The following PPP3CC variants were observed in gnomAD, a reference collection of about 807,000 sequenced individuals.
The protein encoded by PPP3CC is protein phosphatase 3 catalytic subunit gamma.
A neutral mutation model predicts 60.3 loss-of-function variants in PPP3CC; 35 were observed. That is an observed-to-expected ratio of 0.58 (90% CI 0.44 to 0.77). PPP3CC has a LOEUF of 0.77. PPP3CC is among the 30% of genes least tolerant of loss of function. The pLI, the probability that PPP3CC is intolerant of heterozygous loss-of-function variation, is 0.00. For missense variants in PPP3CC, 570 were observed against 628.9 expected (o/e 0.91, Z 1.00); for synonymous variants, 206 against 224.3 (o/e 0.92, Z 0.73).
intron 3 of PPP3CC, among the ~76,000 whole-genome samples, chr8:22,489,532 T>C (rs1231877919): frequency 6.8e-6 from 1 of 147,862 alleles, no homozygotes; most frequent in Non-Finnish European, 1.5e-5. Context: ...ACAAGCAAAG[T>C]CCTTTACTGT....
chr8:22,500,270 C>T (rs1015312720), intron 4 of PPP3CC, among the ~76,000 whole-genome samples: 1 of 152,056 alleles, frequency 6.6e-6, no homozygotes, highest in Middle Eastern at 3.2e-3. Context: ...AGCATATTCT[C>T]TATAAAATAA....
At chr8:22,513,246 C>G in intron 5 of PPP3CC, 47 bp from the exon 6 acceptor site, 2 of 1,581,538 alleles carry the variant, frequency 1.3e-6, no homozygotes, top group Middle Eastern at 1.7e-4. Context: ...TCCAAGAAGC[C>G]TTTTGCTCTC....
chr8:22,498,041 A>C lies in PPP3CC; in HGVS notation c.413A>C (p.Lys138Thr). ...YLWSLKINHPKTLFLLRGNHE... is the reference protein window; with the variant it reads ...YLWSLKINHPTTLFLLRGNHE... ...TGGAGTTTAAAGATTAATCATCCCAAAACATTGTTTCTGCTTCGGGGAAAT... is the reference window on the plus strand; with the variant it reads ...TGGAGTTTAAAGATTAATCATCCCACAACATTGTTTCTGCTTCGGGGAAAT... Residue 138 changes from lysine (K) to threonine (T), a missense_variant, in exon 4 of 14, where the codon AAA becomes ACA. Coordinates refer to ENST00000240139, the MANE Select transcript of PPP3CC (RefSeq NM_005605.5). The C allele has an allele frequency of 6.2e-7, 1 of 1,613,444 alleles. No individual in the cohort carries two copies. The highest frequency in any genetic ancestry group is 1.1e-5 in the South Asian group (1 of 91,006).
intron 1 of PPP3CC, among the ~76,000 whole-genome samples, chr8:22,455,153 TG>T (rs1837158903): frequency 6.6e-6 from 1 of 152,178 alleles, no homozygotes; most frequent in South Asian, 2.1e-4. Context: ...GATAGAATTT[TG>T]GAAGTGATGT....
chr8:22,533,715 C>T (rs1461645743), intron 12 of PPP3CC, among the ~76,000 whole-genome samples: 3 of 152,228 alleles, frequency 2.0e-5, no homozygotes, highest in Admixed American at 6.5e-5. Context: ...ATCCCAGCTA[C>T]TCGGTTGCCT....
chr8:22,444,084 G>A (rs1041674455), intron 1 of PPP3CC, among the ~76,000 whole-genome samples: 1 of 152,128 alleles, frequency 6.6e-6, no homozygotes, highest in Non-Finnish European at 1.5e-5. Flanking sequence ...CCTTTAAATA[G>A]CAGCTTTCTT....
chr8:22,530,307 C>A (rs973749246), intron 10 of PPP3CC, among the ~76,000 whole-genome samples: 1 of 150,250 alleles, frequency 6.7e-6, no homozygotes, highest in South Asian at 2.1e-4. Context: ...ATGCAGAAAT[C>A]AACCAGATGT....
rs555241508 is a variant in PPP3CC, at chr8:22,488,945, CAG to C, written c.373-9051_373-9050del. ...GAGTAAGGGAGAGATGGAAGAGGTGCAGAGAGTGGGGCAGATAGATGATGTCA... is the reference window on the plus strand; with the variant it reads ...GAGTAAGGGAGAGATGGAAGAGGTGCAGAGTGGGGCAGATAGATGATGTCA... On this transcript the variant is annotated intron_variant, in intron 3 of 13. Coordinates refer to ENST00000240139, the MANE Select transcript of PPP3CC (RefSeq NM_005605.5). 1.6e-3 allele frequency among the ~76,000 whole-genome samples: 240 copies of C among 152,042 alleles called. 1 individual carries two copies. The highest frequency in any genetic ancestry group is 5.5e-3 in the African/African-American group (230 of 41,476).
chr8:22,493,627 G>T (rs2132503998), intron 3 of PPP3CC, among the ~76,000 whole-genome samples: 1 of 152,190 alleles, frequency 6.6e-6, no homozygotes, highest in Non-Finnish European at 1.5e-5. Context: ...AGAGGGTCAG[G>T]ATCATCAATA....
At chr8:22,448,362 G>A (rs891631794) in intron 1 of PPP3CC, among the ~76,000 whole-genome samples, 6 of 151,270 alleles carry the variant, frequency 4.0e-5, no homozygotes, top group African/African-American at 9.8e-5. Flanking sequence ...TATATTAGAC[G>A]GTATTATACC....
rs972924824 is a variant in PPP3CC at position 22,540,946 on chromosome 8, G to A, written c.*144G>A. 7 of 729,880 alleles carry A rather than the reference G, an allele frequency of 9.6e-6. No individual in the cohort carries two copies. The South Asian group carries it at 1.8e-4, about 18-fold the overall frequency. 45.2% of individuals were successfully genotyped at this position (729,880 alleles called of 1,614,324 possible). On this transcript the variant is annotated 3_prime_UTR_variant, in exon 14 of 14. Coordinates refer to ENST00000240139, the MANE Select transcript of PPP3CC (RefSeq NM_005605.5). Reference sequence around the variant, plus strand: ...CAGTCTGCATTTATTCTGTAAAAAGGTGGCTGTTTTATAAATTCTTTTAAT... The same window carrying A: ...CAGTCTGCATTTATTCTGTAAAAAGATGGCTGTTTTATAAATTCTTTTAAT...
At chr8:22,482,913 A>G (rs1409125740) in intron 3 of PPP3CC, among the ~76,000 whole-genome samples, 1 of 152,218 alleles carries the variant, frequency 6.6e-6, no homozygotes, top group Non-Finnish European at 1.5e-5. Flanking sequence ...TCGAGTTAGA[A>G]TAGGAGAAAA....
intron 3 of PPP3CC, among the ~76,000 whole-genome samples, chr8:22,490,202 G>C (rs1351806015): frequency 6.6e-6 from 1 of 152,086 alleles, no homozygotes; most frequent in Non-Finnish European, 1.5e-5. Context: ...ATGATATGGT[G>C]CTGTCCAGTG....
rs190787962 is a variant in PPP3CC, at chr8:22,446,548, G to T, written c.49+5090G>T. Among the ~76,000 whole-genome samples the T allele has an allele frequency of 5.6e-4, 85 of 152,082 alleles. 1 individual carries two copies. Among genetic ancestry groups the T allele is most frequent in the South Asian group, 4.1e-4 (2 of 4,828 alleles). On this transcript the variant is annotated intron_variant, in intron 1 of 13. Transcript: ENST00000240139. Reference sequence around the variant, plus strand: ...TGGAAAAAGCTAATTTTTAGGCCAGGCGTGGTGGCTCACGCCTATAATCCC... The same window carrying T: ...TGGAAAAAGCTAATTTTTAGGCCAGTCGTGGTGGCTCACGCCTATAATCCC...
At chr8:22,510,205 G>A (rs927122297) in intron 4 of PPP3CC, among the ~76,000 whole-genome samples, 17 of 146,388 alleles carry the variant, frequency 1.2e-4, no homozygotes, top group African/African-American at 4.2e-4. Context: ...AAAAAAAGAG[G>A]CCTCACTGTG....
At chr8:22,499,286 A>G (rs1305876613) in intron 4 of PPP3CC, among the ~76,000 whole-genome samples, 1 of 150,442 alleles carries the variant, frequency 6.6e-6, no homozygotes, top group Admixed American at 6.6e-5. Flanking sequence ...AAAAATACAA[A>G]AAATTAGCCG....
At chr8:22,511,583 T>C (rs1345343734) in intron 5 of PPP3CC, among the ~76,000 whole-genome samples, 1 of 152,192 alleles carries the variant, frequency 6.6e-6, no homozygotes, top group Non-Finnish European at 1.5e-5. Flanking sequence ...AAAATTTGTT[T>C]CTTATTGCAG....
intron 1 of PPP3CC, among the ~76,000 whole-genome samples, chr8:22,452,880 C>A (rs1837078398): frequency 6.6e-6 from 1 of 152,210 alleles, no homozygotes; most frequent in Non-Finnish European, 1.5e-5. Flanking sequence ...CATTGCTTTG[C>A]AAATCGCTTT....
At chr8:22,447,978 T>C (rs1246120383) in intron 1 of PPP3CC, among the ~76,000 whole-genome samples, 1 of 152,240 alleles carries the variant, frequency 6.6e-6, no homozygotes, top group African/African-American at 2.4e-5. Context: ...GAAGGTTTTT[T>C]TGCAGTGTCT....
Sources: allele counts gnomAD v4.1 joint callset (sites outside exome capture counted in the v4.1 genomes callset), GRCh38; gene constraint gnomAD v4.1.1; transcripts MANE v1.5; gene names NCBI Gene and HGNC (gene_info 2026-07-23, HGNC 2026-07-21).